The following NXPH2 variants were observed in gnomAD, a reference collection of about 807,000 sequenced individuals.
NXPH2 encodes the protein neurexophilin-2.
NXPH2 carries 5 observed loss-of-function variants against 19.8 expected under a neutral mutation model. The observed-to-expected ratio is 0.25, with a 90% confidence interval of 0.13 to 0.53. The LOEUF is 0.53. NXPH2 is among the 20% of genes least tolerant of loss of function. The pLI is 0.96. For missense variants in NXPH2, 289 were observed against 322.8 expected (o/e 0.90, Z 0.80); for synonymous variants, 154 against 127.4 (o/e 1.21, Z -1.41).
intron 1 of NXPH2, among the ~76,000 whole-genome samples, chr2:138,771,274 T>C (rs1682170641): frequency 6.6e-6 from 1 of 152,166 alleles, no homozygotes; most frequent in Non-Finnish European, 1.5e-5. Flanking sequence ...TCTATCAAAG[T>C]AGCCAAAATA....
intron 1 of NXPH2, among the ~76,000 whole-genome samples, chr2:138,707,651 GC>G (rs1681038280): frequency 6.6e-6 from 1 of 152,042 alleles, no homozygotes; most frequent in Non-Finnish European, 1.5e-5. Flanking sequence ...CATTTGGAAA[GC>G]TTTTGCCATA....
rs563634399 is a variant in NXPH2 at position 138,686,317 on chromosome 2, G to A, written c.52-14652C>T. Among the ~76,000 whole-genome samples the A allele has an allele frequency of 7.2e-5, 11 of 152,224 alleles. No homozygotes were observed. In the East Asian group the frequency reaches 2.1e-3, roughly 29 times the overall value. On this transcript the variant is annotated intron_variant, in intron 1 of 1. Transcript: ENST00000272641. ...TATCTGTCTCAGAAGTCCTGGAAAA[G>A]GTTCAACAGGACTGTCCTGGAATTA...
chr2:138,679,435 C>T (rs1012187685), intron 1 of NXPH2, among the ~76,000 whole-genome samples: 1 of 148,036 alleles, frequency 6.8e-6, no homozygotes, highest in East Asian at 2.0e-4. Context: ...GAGTCTCGCT[C>T]GGTTGCTCAG....
intron 1 of NXPH2, among the ~76,000 whole-genome samples, chr2:138,703,349 G>C (rs570036364): frequency 6.2e-4 from 95 of 152,290 alleles, no homozygotes; most frequent in African/African-American, 2.2e-3. Context: ...ATCAGCAGCA[G>C]CATCAGTACC....
intron 1 of NXPH2, among the ~76,000 whole-genome samples, chr2:138,687,649 C>A (rs528842900): frequency 2.0e-5 from 3 of 152,168 alleles, no homozygotes; most frequent in African/African-American, 7.2e-5. Context: ...TCTAGGTTTT[C>A]TTATAGGGTT....
intron 1 of NXPH2, among the ~76,000 whole-genome samples, chr2:138,777,342 A>G (rs868526830): frequency 2.0e-4 from 31 of 152,292 alleles, no homozygotes; most frequent in Admixed American, 8.5e-4. Flanking sequence ...TAAAAAAGGA[A>G]TATGTTCAAG....
intron 1 of NXPH2, among the ~76,000 whole-genome samples, chr2:138,748,862 G>A (rs1254306959): frequency 6.6e-6 from 1 of 152,106 alleles, no homozygotes; most frequent in Non-Finnish European, 1.5e-5. Flanking sequence ...TATGCATTGT[G>A]ATCAGCAAGC....
In NXPH2 at chr2:138,774,479, A is replaced by T. The variant is rs183261710; in HGVS notation, c.51+5712T>A. 7.1e-4 allele frequency among the ~76,000 whole-genome samples: 108 copies of T among 152,348 alleles called. 1 individual carries two copies. Among genetic ancestry groups the T allele is most frequent in the African/African-American group, 2.5e-3 (104 of 41,588 alleles). On this transcript the variant is annotated intron_variant, in intron 1 of 1. Coordinates refer to ENST00000272641, the MANE Select transcript of NXPH2 (RefSeq NM_007226.3). ...AAACAATTACATTTTTATGTAACAT[A>T]TATATACAGTAACTAAAGATGTAAA...
chr2:138,700,132 G>A (rs1166797956), intron 1 of NXPH2, among the ~76,000 whole-genome samples: 3 of 152,154 alleles, frequency 2.0e-5, no homozygotes, highest in African/African-American at 7.2e-5. Context: ...AGTTCCCTGA[G>A]CAAGTGCACC....
At chr2:138,770,486 G>T (rs1424784332) in intron 1 of NXPH2, among the ~76,000 whole-genome samples, 2 of 151,980 alleles carry the variant, frequency 1.3e-5, no homozygotes, top group African/African-American at 4.8e-5. Context: ...CAGTTCTCTA[G>T]GAGAGTAAAT....
At chr2:138,688,333 G>A (rs1680693002) in intron 1 of NXPH2, among the ~76,000 whole-genome samples, 1 of 152,100 alleles carries the variant, frequency 6.6e-6, no homozygotes, top group Non-Finnish European at 1.5e-5. Context: ...ACAGGCACGT[G>A]CCACCACGCC....
At chr2:138,773,541 T>G (rs1047642368) in intron 1 of NXPH2, among the ~76,000 whole-genome samples, 1 of 152,194 alleles carries the variant, frequency 6.6e-6, no homozygotes, top group Non-Finnish European at 1.5e-5. Context: ...AATTTGGGAA[T>G]AGAAATCACA....
At chr2:138,684,329 CA>C (rs1009746434) in intron 1 of NXPH2, among the ~76,000 whole-genome samples, 5 of 151,828 alleles carry the variant, frequency 3.3e-5, no homozygotes, top group Non-Finnish European at 5.9e-5. Flanking sequence ...AGTCAAATAA[CA>C]AAAAAACCTG....
In NXPH2 at chr2:138,671,376, C is replaced by CA. The variant is rs1482070720; in HGVS notation, c.340dup (p.Trp114LeufsTer3). 6.2e-7 allele frequency: 1 copy of CA among 1,613,926 alleles called. No individual in the cohort carries two copies. Among genetic ancestry groups the CA allele is most frequent in the Non-Finnish European group, 8.5e-7 (1 of 1,179,850 alleles). Reference sequence around the variant, plus strand: ...TTTAATGTTGGAATGAAAGTCACCCCATCCAAACATTTTCTTAAATTTTCC... The same window carrying CA: ...TTTAATGTTGGAATGAAAGTCACCCCAATCCAAACATTTTCTTAAATTTTCC... On this transcript the variant is annotated frameshift_variant, in exon 2 of 2. Transcript: ENST00000272641. LOFTEE classifies it high-confidence loss of function.
intron 1 of NXPH2, among the ~76,000 whole-genome samples, chr2:138,767,928 T>C (rs1158199280): frequency 6.6e-6 from 1 of 152,160 alleles, no homozygotes; most frequent in East Asian, 1.9e-4. Flanking sequence ...CTCTCTTCCA[T>C]GGGAGATTTC....
At chr2:138,727,994 G>T (rs1681384324) in intron 1 of NXPH2, among the ~76,000 whole-genome samples, 1 of 152,154 alleles carries the variant, frequency 6.6e-6, no homozygotes, top group East Asian at 1.9e-4. Flanking sequence ...ATGTGACCTT[G>T]GGTAAGTTTC....
At chr2:138,713,776 G>A (rs144447004) in intron 1 of NXPH2, among the ~76,000 whole-genome samples, 105 of 152,156 alleles carry the variant, frequency 6.9e-4, no homozygotes, top group African/African-American at 2.1e-3. Flanking sequence ...CTTTTGTTTC[G>A]CACCAAATCA....
At chr2:138,724,895 G>A (rs1440882409) in intron 1 of NXPH2, among the ~76,000 whole-genome samples, 1 of 152,172 alleles carries the variant, frequency 6.6e-6, no homozygotes. Flanking sequence ...ATACCATTAC[G>A]CACAGTTGAA....
rs141834804 is a variant in NXPH2 at position 138,770,618 on chromosome 2, G to A, written c.51+9573C>T. ...AAAAAATATTACAACTAATAACTGA[G>A]TTCAGAAATAGAACAGATACAAACA... On this transcript the variant is annotated intron_variant, in intron 1 of 1. Coordinates refer to ENST00000272641, the MANE Select transcript of NXPH2 (RefSeq NM_007226.3). 6.5e-4 allele frequency among the ~76,000 whole-genome samples: 99 copies of A among 152,012 alleles called. 1 individual carries two copies. Among genetic ancestry groups the A allele is most frequent in the African/African-American group, 2.2e-3 (93 of 41,520 alleles).
Sources: allele counts gnomAD v4.1 joint callset (sites outside exome capture counted in the v4.1 genomes callset), GRCh38; gene constraint gnomAD v4.1.1; transcripts MANE v1.5; gene names NCBI Gene and HGNC (gene_info 2026-07-23, HGNC 2026-07-21).